LUZP2: variants seen among roughly 807,000 people sequenced by gnomAD.
LUZP2 encodes the protein leucine zipper protein 2.
In LUZP2, 52 loss-of-function variants were observed where a neutral mutation model predicts 51.6. That is an observed-to-expected ratio of 1.01 (90% CI 0.81 to 1.27). LUZP2 has a LOEUF of 1.27. LUZP2 is among the 50% of genes most tolerant of loss of function. The pLI, the probability that LUZP2 is intolerant of heterozygous loss-of-function variation, is 0.00. For synonymous variants in LUZP2, 154 were observed against 137.3 expected (o/e 1.12, Z -0.85); for missense variants, 436 against 395.4 (o/e 1.10, Z -0.87).
At chr11:24,512,093 A>T (rs767736929) in intron 1 of LUZP2, among the ~76,000 whole-genome samples, 1 of 152,246 alleles carries the variant, frequency 6.6e-6, no homozygotes, top group Admixed American at 6.5e-5. Context: ...TGCCATGATT[A>T]TGATAACAGA....
chr11:24,542,915 C>A, intron 1 of LUZP2, among the ~76,000 whole-genome samples: 1 of 144,132 alleles, frequency 6.9e-6, no homozygotes. Context: ...GAACAGCACA[C>A]ACACACACAG....
intron 9 of LUZP2, among the ~76,000 whole-genome samples, chr11:24,991,396 G>GTATATATATA (rs58483878): frequency 1.6e-4 from 20 of 124,968 alleles, no homozygotes; most frequent in Admixed American, 6.2e-4. Flanking sequence ...GTGTGTGTGT[G>GTATATATATA]TATATATATA....
At chr11:24,920,134 T>C (rs777365418) in intron 7 of LUZP2, among the ~76,000 whole-genome samples, 2 of 151,930 alleles carry the variant, frequency 1.3e-5, no homozygotes, top group Non-Finnish European at 2.9e-5. Context: ...TTTACAATAC[T>C]CCCAAGTCAC....
intron 1 of LUZP2, among the ~76,000 whole-genome samples, chr11:24,622,177 G>A (rs1199489758): frequency 2.6e-5 from 4 of 151,486 alleles, no homozygotes; most frequent in Non-Finnish European, 1.5e-5. Context: ...TGTGCACAAT[G>A]TGCAGGTTTG....
intron 1 of LUZP2, among the ~76,000 whole-genome samples, chr11:24,562,256 A>G (rs2133774630): frequency 6.6e-6 from 1 of 152,286 alleles, no homozygotes; most frequent in African/African-American, 2.4e-5. Context: ...GTAAGTTGGC[A>G]GGGCTTCCCT....
chr11:24,863,631 A>G (rs1183357135), intron 5 of LUZP2, among the ~76,000 whole-genome samples: 1 of 152,184 alleles, frequency 6.6e-6, no homozygotes, highest in Non-Finnish European at 1.5e-5. Context: ...AAAGTAAATA[A>G]TGATGAAAAT....
intron 9 of LUZP2, among the ~76,000 whole-genome samples, chr11:25,013,430 T>C (rs1040459964): frequency 6.6e-6 from 1 of 152,146 alleles, no homozygotes; most frequent in Non-Finnish European, 1.5e-5. Flanking sequence ...TTTTTACATA[T>C]GAAAATTAAT....
intron 9 of LUZP2, among the ~76,000 whole-genome samples, chr11:25,002,465 A>G (rs535707499): frequency 2.0e-5 from 3 of 152,192 alleles, no homozygotes; most frequent in Non-Finnish European, 4.4e-5. Flanking sequence ...TCCCTCAAGG[A>G]ATAGCACCTG....
intron 1 of LUZP2, among the ~76,000 whole-genome samples, chr11:24,691,232 C>T (rs1007351299): frequency 9.9e-5 from 15 of 151,858 alleles, no homozygotes; most frequent in Admixed American, 9.9e-4. Flanking sequence ...AAATCTCAGT[C>T]AAAATTGTAG....
At chr11:24,961,395 G>A (rs946912923) in intron 7 of LUZP2, among the ~76,000 whole-genome samples, 3 of 152,086 alleles carry the variant, frequency 2.0e-5, no homozygotes, top group Non-Finnish European at 1.5e-5. Context: ...TCTCTTTGTA[G>A]GTCACTCAGG....
intron 5 of LUZP2, among the ~76,000 whole-genome samples, chr11:24,765,835 C>T (rs1352871430): frequency 6.6e-6 from 1 of 152,020 alleles, no homozygotes; most frequent in Non-Finnish European, 1.5e-5. Flanking sequence ...ACTGTGTTAG[C>T]CAGGATGGTC....
chr11:24,881,357 AAGAG>A (rs1413472115), intron 5 of LUZP2, among the ~76,000 whole-genome samples: 1 of 151,928 alleles, frequency 6.6e-6, no homozygotes, highest in Non-Finnish European at 1.5e-5. Flanking sequence ...TCGTCTTAGC[AAGAG>A]AAGTTTGATA....
intron 8 of LUZP2, among the ~76,000 whole-genome samples, chr11:24,977,441 C>T (rs534426640): frequency 6.6e-6 from 1 of 151,556 alleles, no homozygotes; most frequent in East Asian, 1.9e-4. Flanking sequence ...AAGATACAGT[C>T]ACATAAAATT....
chr11:24,996,943 T>C (rs1856521198), intron 9 of LUZP2, among the ~76,000 whole-genome samples: 1 of 151,412 alleles, frequency 6.6e-6, no homozygotes, highest in Non-Finnish European at 1.5e-5. Context: ...ACAAAGGACA[T>C]GAACTCATCA....
At chr11:24,986,457 G>C (rs1370919441) in intron 9 of LUZP2, among the ~76,000 whole-genome samples, 1 of 150,960 alleles carries the variant, frequency 6.6e-6, no homozygotes, top group Non-Finnish European at 1.5e-5. Flanking sequence ...ATTGAAATTG[G>C]TAACATTTAT....
intron 1 of LUZP2, among the ~76,000 whole-genome samples, chr11:24,561,124 G>C (rs1852026526): frequency 6.6e-6 from 1 of 152,118 alleles, no homozygotes; most frequent in African/African-American, 2.4e-5. Flanking sequence ...ATATATTTCA[G>C]GTACTGTGCT....
At chr11:24,633,125 T>C (rs1165620434) in intron 1 of LUZP2, among the ~76,000 whole-genome samples, 2 of 152,030 alleles carry the variant, frequency 1.3e-5, no homozygotes, top group African/African-American at 4.8e-5. Flanking sequence ...ATGATGACCA[T>C]ATGTAAAATT....
At chr11:24,907,734 A>T (rs1031944887) in intron 6 of LUZP2, among the ~76,000 whole-genome samples, 4 of 152,176 alleles carry the variant, frequency 2.6e-5, no homozygotes, top group Non-Finnish European at 4.4e-5. Flanking sequence ...CTCCTATGAG[A>T]AATATCTGTG....
intron 5 of LUZP2, among the ~76,000 whole-genome samples, chr11:24,800,221 G>A (rs930805818): frequency 2.4e-4 from 36 of 151,944 alleles, no homozygotes; most frequent in African/African-American, 8.7e-4. Flanking sequence ...AGGTGATAAC[G>A]GATAAGCTTT....
Sources: allele counts gnomAD v4.1 joint callset (sites outside exome capture counted in the v4.1 genomes callset), GRCh38; gene constraint gnomAD v4.1.1; transcripts MANE v1.5; gene names NCBI Gene and HGNC (gene_info 2026-07-23, HGNC 2026-07-21).